Variants in PRRC2A observed in about 807,000 individuals in gnomAD.
The protein encoded by PRRC2A is protein PRRC2A.
A neutral mutation model predicts 224.6 loss-of-function variants in PRRC2A; 59 were observed. The observed-to-expected ratio is 0.26, with a 90% CI of 0.21 to 0.33. PRRC2A has a LOEUF of 0.33. Ranked by LOEUF, PRRC2A falls within the 10% of genes least tolerant of loss-of-function variation. The pLI, the probability that PRRC2A is intolerant of heterozygous loss-of-function variation, is 1.00. For synonymous variants in PRRC2A, 1,194 were observed against 1,109.5 expected, an observed-to-expected ratio of 1.08 and a Z score of -1.51; for missense variants, 3,095 against 2,880.7, an observed-to-expected ratio of 1.07 and a Z score of -1.70.
chr6:31,627,786 A>G lies in PRRC2A; in HGVS notation c.1312A>G (p.Lys438Glu). Reference protein sequence around the residue: ...DYPDRGGPPCKPPAPEDEDEA... With the variant: ...DYPDRGGPPCEPPAPEDEDEA... ...ACAGGATCGTGGGGGTCCTCCCTGC[A>G]AGCCCCCAGCACCTGAAGATGAGGA... is the stretch of plus-strand genomic sequence containing the variant. Residue 438 changes from lysine (K) to glutamate (E), a missense_variant, in exon 12 of 31, where the codon AAG becomes GAG. Physicochemically the swap from Lys to Glu is moderately conservative, Grantham distance 56. Transcript: ENST00000376033. This position sits in a 1 kb window ranked among gnomAD's most constrained non-coding sequence, Gnocchi z 5.6. 6.2e-7 allele frequency: 1 copy of G among 1,612,782 alleles called. No homozygotes were observed.
rs1313262618 is a variant in PRRC2A, at chr6:31,624,510, G to T, written c.451G>T (p.Ala151Ser). The change falls in exon 5 of 31, where the codon GCA becomes TCA. Residue 151 changes from alanine (A) to serine (S), a missense_variant. Ala to Ser is a moderately conservative substitution (Grantham distance 99, BLOSUM62 1). This residue lies in a region of PRRC2A where 287 missense variants were observed against 275.3 expected (regional missense o/e 1.04). Transcript: ENST00000376033. ...SWAQASVTHG[A>S]HGDGGRASSL... ...GGCACAAGCCAGCGTCACCCATGGA[G>T]CACATGGAGATGGTGAGTGCAGCAC... The T allele has an allele frequency of 1.9e-6, 3 of 1,612,658 alleles. No homozygotes were observed. The highest frequency in any genetic ancestry group is 2.5e-6 in the Non-Finnish European group (3 of 1,178,638).
rs753051355 is a variant in PRRC2A at position 31,635,740 on chromosome 6, C to T, written c.5532C>T (p.Ser1844=). Residue 1844 remains serine (S), a synonymous_variant, in exon 24 of 31, where the codon TCC becomes TCT. Transcript: ENST00000376033. ...PEVFYGSAGP[S]SSQISGGAMD... ...TTTTCTATGGCAGTGCTGGGCCTTC[C>T]AGTTCTCAGGTAGGCCCCGCTTCCC... is the stretch of plus-strand genomic sequence containing the variant. The T allele has an allele frequency of 6.3e-7, 1 of 1,585,328 alleles. No homozygotes were observed. The highest frequency in any genetic ancestry group is 1.7e-4 in the Middle Eastern group (1 of 5,928).
At chr6:31,624,175 C>A (rs2150495037) in intron 3 of PRRC2A, 86 bp from the exon 4 acceptor site, 1 of 1,320,734 alleles carries the variant, frequency 7.6e-7, no homozygotes, top group South Asian at 1.3e-5. Flanking sequence ...TAGCAATGGG[C>A]ATGATTTCAG....
At chr6:31,630,988 C>G in intron 15 of PRRC2A, 151 bp from the exon 16 acceptor site, 2 of 1,194,158 alleles carry the variant, frequency 1.7e-6, no homozygotes, top group Non-Finnish European at 2.3e-6. Context: ...CCCAGCAGTT[C>G]GAGACTAGCC....
chr6:31,635,052 C>G (rs564884246), intron 21 of PRRC2A, 75 bp downstream of exon 21: 2 of 1,597,954 alleles, frequency 1.3e-6, no homozygotes, highest in East Asian at 4.5e-5. Flanking sequence ...TGCTTTTTCT[C>G]TCTGCGTGTG....
chr6:31,636,873 C>G lies in PRRC2A; in HGVS notation c.6075C>G (p.Pro2025=). 1 of 1,612,994 alleles carries G rather than the reference C, an allele frequency of 6.2e-7. No homozygotes were observed. The highest frequency in any genetic ancestry group is 8.5e-7 in the Non-Finnish European group (1 of 1,180,014). Residue 2025 remains proline, a synonymous_variant, in exon 28 of 31, where the codon CCC becomes CCG. Coordinates refer to ENST00000376033, the MANE Select transcript of PRRC2A (RefSeq NM_004638.4). The surrounding 1 kb of genome is among the most constrained non-coding windows in gnomAD (Gnocchi z 4.3). ...AGCCCCCCAGCCTGGCTGTGCGGCC[C>G]CCACCTGCTCCTGCTACTCGGGTGC... ...ALQPPSLAVR[P]PPAPATRVLP... is the part of the protein sequence containing the mutation.
chr6:31,626,666 G>A (rs1775946763), intron 9 of PRRC2A, 106 bp from the exon 10 acceptor site: 2 of 989,798 alleles, frequency 2.0e-6, no homozygotes, highest in Non-Finnish European at 3.0e-6. Context: ...GACTTCGGAG[G>A]GAAGGATATT....
chr6:31,627,057 C>T lies in PRRC2A; in HGVS notation c.1149C>T (p.Ser383=), dbSNP rs779259807. ...ADGKKGNSPN[S]EPPTPKTAWA... ...GCAAAAAGGGCAACTCCCCCAACAG[C>T]GAACCGCCCACTCCTAAGACGGCCT... The change falls in exon 11 of 31, where the codon AGC becomes AGT. Residue 383 remains serine, a synonymous_variant. Coordinates refer to ENST00000376033, the MANE Select transcript of PRRC2A (RefSeq NM_004638.4). This position sits in a 1 kb window ranked among gnomAD's most constrained non-coding sequence, Gnocchi z 5.6. The T allele has an allele frequency of 4.3e-6, 7 of 1,614,204 alleles. No homozygotes were observed. Among genetic ancestry groups the T allele is most frequent in the South Asian group, 3.3e-5 (3 of 91,088 alleles).
rs368679462 is a variant in PRRC2A, at chr6:31,626,030, C to T, written c.850C>T (p.Arg284Cys). ...PTPDGPSRFPRVAGPRGSGPP... is the reference protein window; with the variant it reads ...PTPDGPSRFPCVAGPRGSGPP... Reference sequence around the variant, plus strand: ...CTTTTTTGTGTACAGCCGTTTTCCCCGTGTGGCGGGCCCCCGAGGCTCAGG... The same window carrying T: ...CTTTTTTGTGTACAGCCGTTTTCCCTGTGTGGCGGGCCCCCGAGGCTCAGG... Residue 284 changes from arginine to cysteine, a missense_variant, in exon 9 of 31, where the codon CGT becomes TGT. Arg to Cys is a radical substitution (Grantham distance 180). This residue lies in a region of PRRC2A where 287 missense variants were observed against 275.3 expected (regional missense o/e 1.04). Coordinates refer to ENST00000376033, the MANE Select transcript of PRRC2A (RefSeq NM_004638.4). 130 of 1,611,802 alleles carry T rather than the reference C, an allele frequency of 8.1e-5. No individual in the cohort carries two copies. The highest frequency in any genetic ancestry group is 4.7e-4 in the East Asian group (21 of 44,898).
chr6:31,629,250 T>C lies in PRRC2A; in HGVS notation c.1872T>C (p.Gly624=). 6.2e-7 allele frequency: 1 copy of C among 1,612,660 alleles called. No homozygotes were observed. ...PKVEPKGDGI[G]PTRQPPSQGL... The stretch of plus-strand genomic sequence containing the variant: ...TGGAACCCAAGGGTGATGGGATTGG[T>C]CCCACCCGCCAGCCCCCTAGTCAGG... The change falls in exon 13 of 31, where the codon GGT becomes GGC. Residue 624 remains glycine (G), a synonymous_variant. Transcript: ENST00000376033.
Position 31,635,412 on chromosome 6 carries a change from G to A in PRRC2A, c.5320G>A (p.Val1774Met), listed in dbSNP as rs11538264. 41,668 of 1,614,168 alleles carry A rather than the reference G, an allele frequency of 0.026. 1,162 individuals are homozygous for A. The highest frequency in any genetic ancestry group is 0.089 in the African/African-American group (6,664 of 75,052). Residue 1774 changes from valine to methionine, a missense_variant, in exon 23 of 31, where the codon GTG (valine) becomes ATG (methionine). By Grantham distance (21) the Val-to-Met change is conservative. Around this residue, in one of 8 missense-constraint regions of PRRC2A, gnomAD observed 662 missense variants for 609.5 expected, o/e 1.09. Transcript: ENST00000376033. The part of the protein sequence containing the change: ...TSDKDSDLRL[V>M]VGDSLKAEKE... The stretch of plus-strand genomic sequence containing the variant: ...ATCACAGGACTCAGACTTACGCCTA[G>A]TGGTAGGAGACAGCTTGAAAGCAGA...
intron 12 of PRRC2A, 103 bp from the exon 13 acceptor site, chr6:31,629,041 T>C: frequency 8.4e-7 from 1 of 1,187,832 alleles, no homozygotes; most frequent in Non-Finnish European, 1.2e-6. Flanking sequence ...GAATAGAATA[T>C]TTTAGTCTTA....
intron 17 of PRRC2A, 78 bp downstream of exon 17, chr6:31,633,725 C>T: frequency 6.5e-7 from 1 of 1,540,930 alleles, no homozygotes; most frequent in African/African-American, 1.4e-5. Context: ...GGTGGAGAAC[C>T]TGGCCTAGGG....
rs1215168039 is a variant in PRRC2A at position 31,629,342 on chromosome 6, C to T, written c.1956+8C>T. On this transcript the variant is annotated splice_region_variant and intron_variant, in intron 13 of 30. Transcript: ENST00000376033. The stretch of plus-strand genomic sequence containing the variant: ...TTCCAGCGGCAGCAGCAGGTGAAAT[C>T]AAGTTGTTTACCCTCTAAGGGCTGC... 23 of 1,554,000 alleles carry T rather than the reference C, an allele frequency of 1.5e-5. No homozygotes were observed. The highest frequency in any genetic ancestry group is 1.9e-5 in the Non-Finnish European group (22 of 1,151,164).
At chr6:31,621,744 T>G (rs1445218758) in intron 1 of PRRC2A, among the ~76,000 whole-genome samples, 3 of 152,210 alleles carry the variant, frequency 2.0e-5, no homozygotes, top group Non-Finnish European at 4.4e-5. Flanking sequence ...TCCCCACTAT[T>G]TCTCATCTCT....
At position 31,636,308 on chromosome 6, in the gene PRRC2A, A is replaced by G. The variant is rs949619501; in HGVS notation, c.5724A>G (p.Gln1908=). Residue 1908 remains glutamine (Q), a synonymous_variant, in exon 26 of 31, where the codon CAA becomes CAG. Coordinates refer to ENST00000376033, the MANE Select transcript of PRRC2A (RefSeq NM_004638.4). The surrounding 1 kb of genome is among the most constrained non-coding windows in gnomAD (Gnocchi z 4.3). ...AGTTTCTGGATTTCTCCACAATGCA[A>G]GCTACAGAGCTGGGGAAGTTGCCGG... ...KGQFLDFSTM[Q]ATELGKLPAG... 3 of 1,612,860 alleles carry G rather than the reference A, an allele frequency of 1.9e-6. No individual in the cohort carries two copies. In the Admixed American group the frequency reaches 5.0e-5, roughly 27 times the overall value.
intron 14 of PRRC2A, 103 bp downstream of exon 14, chr6:31,629,948 CAT>C (rs1184446370): frequency 1.3e-6 from 2 of 1,527,920 alleles, no homozygotes; most frequent in African/African-American, 1.4e-5. Context: ...TTTTGCCCAT[CAT>C]AGTGATGAGG....
At chr6:31,629,992 C>T (rs1776362956) in intron 14 of PRRC2A, 147 bp downstream of exon 14, 5 of 1,348,924 alleles carry the variant, frequency 3.7e-6, no homozygotes, top group Middle Eastern at 2.5e-4. Flanking sequence ...GCTGAGATAG[C>T]TCTGTTGCAA....
chr6:31,626,683 G>C, intron 9 of PRRC2A, 89 bp from the exon 10 acceptor site: 5 of 1,142,626 alleles, frequency 4.4e-6, no homozygotes, highest in Non-Finnish European at 6.3e-6. Flanking sequence ...TATTGGCATT[G>C]GTAGTCCATC....
Sources: gnomAD v4.1 joint callset for allele counts (sites outside exome capture counted in the v4.1 genomes callset) on GRCh38, gnomAD v4.1.1 for gene constraint, gnomAD v4.1.1 regional missense constraint, Gnocchi (gnomAD v3.1) non-coding constraint, MANE v1.5 for transcripts, NCBI Gene and HGNC (gene_info 2026-07-23, HGNC 2026-07-21) for gene names.